SLC39A11: variants seen among roughly 807,000 people sequenced by gnomAD.
SLC39A11 encodes the protein solute carrier family 39 member 11.
SLC39A11 carries 33 observed loss-of-function variants against 36.1 expected under a neutral mutation model. That is an observed-to-expected ratio of 0.91 (90% CI 0.69 to 1.22). SLC39A11 has a LOEUF of 1.22. Among genes scored for constraint, SLC39A11 ranks in the 50% most tolerant of loss-of-function variants. The pLI is 0.00. For missense variants in SLC39A11, 432 were observed against 430.3 expected (o/e 1.00, Z -0.03); for synonymous variants, 166 against 170.3 (o/e 0.97, Z 0.20).
At chr17:72,724,452 G>C (rs551185451) in intron 7 of SLC39A11, among the ~76,000 whole-genome samples, 8 of 152,126 alleles carry the variant, frequency 5.3e-5, no homozygotes, top group African/African-American at 9.7e-5. Flanking sequence ...AAAGCGGTGG[G>C]GGGGAGTGAG....
At chr17:72,895,530 G>C (rs140212832) in intron 5 of SLC39A11, among the ~76,000 whole-genome samples, 1 of 151,116 alleles carries the variant, frequency 6.6e-6, no homozygotes, top group African/African-American at 2.4e-5. Flanking sequence ...AGTGAGCTGA[G>C]ATAGTGCCAT....
intron 5 of SLC39A11, among the ~76,000 whole-genome samples, chr17:72,917,188 G>A (rs894011183): frequency 1.2e-4 from 18 of 152,190 alleles, no homozygotes; most frequent in Admixed American, 3.3e-4. Flanking sequence ...AACTCAAGAT[G>A]CACACACGTG....
At chr17:72,919,120 C>T (rs1037399273) in intron 5 of SLC39A11, among the ~76,000 whole-genome samples, 3 of 152,054 alleles carry the variant, frequency 2.0e-5, no homozygotes, top group South Asian at 4.2e-4. Context: ...GACCTCCAAA[C>T]CTGGTTTAAT....
In SLC39A11 at chr17:73,004,175, G is replaced by GAA. The variant is rs1366192869; in HGVS notation, c.306+27379_306+27380dup. On this transcript the variant is annotated intron_variant, in intron 4 of 9. Transcript: ENST00000255559. ...AGAAAGAAGGAAAAAAAGAAAGAAA[G>GAA]AAAGAAAGAAAGAAAGAAAGAAAGA... Among the ~76,000 whole-genome samples the GAA allele has an allele frequency of 1.2e-3, 83 of 66,750 alleles. 2 individuals are homozygous for GAA. The highest frequency in any genetic ancestry group is 5.3e-3 in the African/African-American group (77 of 14,552). The allele number at this position is 66,750 out of a possible 152,430, so 43.8% of individuals were successfully genotyped here. A position where few individuals can be genotyped will look rare whatever the true frequency, so the allele number is the denominator to read the frequency against.
intron 5 of SLC39A11, among the ~76,000 whole-genome samples, chr17:72,911,555 C>G (rs1239183217): frequency 6.6e-6 from 1 of 152,096 alleles, no homozygotes; most frequent in Non-Finnish European, 1.5e-5. Flanking sequence ...TGTCAGCCTC[C>G]TCGTTCTCCT....
At chr17:72,716,082 C>T (rs1164613364) in intron 7 of SLC39A11, among the ~76,000 whole-genome samples, 2 of 152,068 alleles carry the variant, frequency 1.3e-5, no homozygotes, top group African/African-American at 4.8e-5. Context: ...CCTCGTTCTC[C>T]TCGCACCCTC....
intron 7 of SLC39A11, among the ~76,000 whole-genome samples, chr17:72,718,086 C>G (rs1276198699): frequency 6.6e-6 from 1 of 152,212 alleles, no homozygotes; most frequent in Non-Finnish European, 1.5e-5. Context: ...AAATCTCTAT[C>G]TGTCCCTCAC....
intron 7 of SLC39A11, among the ~76,000 whole-genome samples, chr17:72,692,225 A>C (rs2072063985): frequency 6.6e-6 from 1 of 150,818 alleles, no homozygotes; most frequent in African/African-American, 2.5e-5. Flanking sequence ...ATTAGCCAGG[A>C]TGGTCTCGAT....
Position 72,647,017 on chromosome 17 carries a change from G to C in SLC39A11, c.*567C>G, listed in dbSNP as rs182904319. On this transcript the variant is annotated 3_prime_UTR_variant, in exon 10 of 10. Transcript: ENST00000255559. ...TTTTTCTGTGTCCCCCTCCCATGTAGTATCTCCTTAGGGGGAGGTAAAGGA... is the reference window on the plus strand; with the variant it reads ...TTTTTCTGTGTCCCCCTCCCATGTACTATCTCCTTAGGGGGAGGTAAAGGA... 49 of 150,466 alleles carry C rather than the reference G, an allele frequency of 3.3e-4. 1 individual carries two copies. Among genetic ancestry groups the C allele is most frequent in the Admixed American group, 2.7e-3 (40 of 15,086 alleles). 9.3% of individuals were successfully genotyped at this position (150,466 alleles called of 1,614,324 possible).
intron 4 of SLC39A11, among the ~76,000 whole-genome samples, chr17:72,972,648 T>C (rs1193775434): frequency 6.6e-6 from 1 of 152,170 alleles, no homozygotes; most frequent in African/African-American, 2.4e-5. Flanking sequence ...GGTCACTGTT[T>C]CTAAGTTTGT....
intron 7 of SLC39A11, among the ~76,000 whole-genome samples, chr17:72,652,483 T>C (rs1485322179): frequency 6.6e-6 from 1 of 152,130 alleles, no homozygotes; most frequent in African/African-American, 2.4e-5. Flanking sequence ...CCTGGGATGG[T>C]CCCTCTCAAG....
At chr17:72,794,159 T>A (rs915063318) in intron 6 of SLC39A11, among the ~76,000 whole-genome samples, 4 of 152,086 alleles carry the variant, frequency 2.6e-5, no homozygotes, top group Non-Finnish European at 5.9e-5. Flanking sequence ...CTGGGAACAG[T>A]CACTGTACAC....
chr17:72,809,657 C>G (rs1433259124), intron 6 of SLC39A11, among the ~76,000 whole-genome samples: 1 of 152,164 alleles, frequency 6.6e-6, no homozygotes, highest in South Asian at 2.1e-4. Flanking sequence ...GAGACTCTTA[C>G]TTTCATTTTA....
intron 5 of SLC39A11, among the ~76,000 whole-genome samples, chr17:72,891,065 A>G (rs1208675859): frequency 6.6e-6 from 1 of 151,476 alleles, no homozygotes; most frequent in East Asian, 1.9e-4. Context: ...TGTTGAAAAC[A>G]TAAGAAAACA....
intron 5 of SLC39A11, among the ~76,000 whole-genome samples, chr17:72,872,326 C>G (rs532086591): frequency 6.6e-6 from 1 of 152,142 alleles, no homozygotes; most frequent in African/African-American, 2.4e-5. Flanking sequence ...CACTCTGATC[C>G]CCAGGGGCGT....
chr17:73,081,610 GAT>G (rs36154651), intron 3 of SLC39A11, among the ~76,000 whole-genome samples: 76,512 of 133,246 alleles, frequency 0.57, 21,622 homozygotes, highest in South Asian at 0.63. Context: ...AAGAAAATGT[GAT>G]ATATATATAT....
intron 7 of SLC39A11, among the ~76,000 whole-genome samples, chr17:72,677,110 C>T (rs2071298261): frequency 6.6e-6 from 1 of 152,202 alleles, no homozygotes; most frequent in African/African-American, 2.4e-5. Context: ...GCACAAGCAG[C>T]AGCCGCAGTG....
chr17:72,807,393 G>A (rs532747316), intron 6 of SLC39A11, among the ~76,000 whole-genome samples: 38 of 152,276 alleles, frequency 2.5e-4, no homozygotes, highest in Non-Finnish European at 4.4e-4. Context: ...AGGAATAGGA[G>A]TGTCTTTGTT....
At chr17:72,714,040 A>T (rs558363942) in intron 7 of SLC39A11, among the ~76,000 whole-genome samples, 2 of 152,330 alleles carry the variant, frequency 1.3e-5, no homozygotes, top group South Asian at 4.1e-4. Flanking sequence ...GGTTTGCCGC[A>T]AAATTGTGGG....
Sources: allele counts gnomAD v4.1 joint callset (sites outside exome capture counted in the v4.1 genomes callset), GRCh38; gene constraint gnomAD v4.1.1; transcripts MANE v1.5; gene names NCBI Gene and HGNC (gene_info 2026-07-23, HGNC 2026-07-21).